Variants in GRM7 observed in about 807,000 individuals in gnomAD.
The protein encoded by GRM7 is metabotropic glutamate receptor 7.
GRM7 carries 35 observed loss-of-function variants against 84.5 expected under a neutral mutation model. The ratio of observed to expected loss-of-function variants is 0.41; its 90% CI spans 0.32 to 0.55. GRM7 has a LOEUF of 0.55. Ranked by LOEUF, GRM7 falls within the 20% of genes least tolerant of loss-of-function variation. The probability of loss-of-function intolerance (pLI) is 0.19; values close to 1 mark genes in which losing one functional copy is unlikely to be tolerated. For synonymous variants in GRM7, 487 were observed against 455.1 expected (o/e 1.07, Z -0.89); for missense variants, 1,003 against 1,194.6 (o/e 0.84, Z 2.36).
At chr3:7,157,453 T>C (rs899126982) in intron 2 of GRM7, among the ~76,000 whole-genome samples, 1 of 152,146 alleles carries the variant, frequency 6.6e-6, no homozygotes, top group Non-Finnish European at 1.5e-5. Context: ...GTTAAAGTAG[T>C]TCTGTTGAAA....
At chr3:7,200,839 C>T (rs6793481) in intron 2 of GRM7, among the ~76,000 whole-genome samples, 14,446 of 152,094 alleles carry the variant, frequency 0.095, 2,081 homozygotes, top group African/African-American at 0.32. Context: ...TCCTCCTCAC[C>T]GTATTTCTTC....
intron 1 of GRM7, among the ~76,000 whole-genome samples, chr3:6,992,842 G>C (rs1364728009): frequency 6.6e-6 from 1 of 152,212 alleles, no homozygotes; most frequent in Non-Finnish European, 1.5e-5. Flanking sequence ...AGCCAAATGT[G>C]AAGTCAGCTC....
chr3:7,390,145 T>A (rs6787020), intron 4 of GRM7, among the ~76,000 whole-genome samples: 1 of 151,922 alleles, frequency 6.6e-6, no homozygotes, highest in Non-Finnish European at 1.5e-5. Context: ...AATTCTCAGC[T>A]GGCATTTTTT....
At chr3:7,280,182 C>A (rs769972967) in intron 2 of GRM7, among the ~76,000 whole-genome samples, 2 of 152,134 alleles carry the variant, frequency 1.3e-5, no homozygotes, top group Non-Finnish European at 2.9e-5. Flanking sequence ...TTGTTTGGGG[C>A]AAACTTTAAT....
intron 1 of GRM7, among the ~76,000 whole-genome samples, chr3:7,077,513 G>T (rs1314580422): frequency 7.3e-6 from 1 of 136,354 alleles, no homozygotes; most frequent in Non-Finnish European, 1.6e-5. Flanking sequence ...ATAAGTGGGA[G>T]TTGAACAATG....
At chr3:6,981,567 A>T (rs1294240064) in intron 1 of GRM7, among the ~76,000 whole-genome samples, 2 of 152,172 alleles carry the variant, frequency 1.3e-5, no homozygotes, top group Admixed American at 1.3e-4. Context: ...GTTCCTGCTG[A>T]TGGAGGGAAG....
chr3:7,025,349 G>A lies in GRM7; in HGVS notation c.520-121103G>A, dbSNP rs560670543. Among the ~76,000 whole-genome samples the A allele has an allele frequency of 4.6e-5, 7 of 152,252 alleles. 1 individual carries two copies. The highest frequency in any genetic ancestry group is 3.9e-4 in the East Asian group (2 of 5,186). On this transcript the variant is annotated intron_variant, in intron 1 of 9. Transcript: ENST00000357716. ...CTGGGGATGAAGCATTATTCTGTCC[G>A]CCAGGAAGAAATAATAAAATAGAAA...
intron 1 of GRM7, among the ~76,000 whole-genome samples, chr3:7,114,954 C>T (rs1245113327): frequency 6.6e-6 from 1 of 152,098 alleles, no homozygotes; most frequent in African/African-American, 2.4e-5. Context: ...CTGCAAATGG[C>T]CCTCATGAGA....
chr3:7,099,774 CATT>C (rs1232906362), intron 1 of GRM7, among the ~76,000 whole-genome samples: 1 of 84,760 alleles, frequency 1.2e-5, no homozygotes, highest in Admixed American at 1.1e-4. Flanking sequence ...TATGTACACG[CATT>C]ATACATGTGC....
At chr3:7,723,537 C>T (rs926206681) in intron 9 of GRM7, among the ~76,000 whole-genome samples, 2 of 152,118 alleles carry the variant, frequency 1.3e-5, no homozygotes, top group East Asian at 3.9e-4. Flanking sequence ...ATAACCCCAT[C>T]AATCTGAAAT....
At chr3:7,438,155 G>C (rs929604850) in intron 5 of GRM7, among the ~76,000 whole-genome samples, 1 of 151,968 alleles carries the variant, frequency 6.6e-6, no homozygotes, top group Non-Finnish European at 1.5e-5. Flanking sequence ...TTGCAATTTA[G>C]TGGTAAGTTG....
At position 7,305,532 on chromosome 3, in the gene GRM7, A is replaced by G. The variant is rs370064995; in HGVS notation, c.879-966A>G. Among the ~76,000 whole-genome samples, 4 of 57,068 alleles carry G rather than the reference A, an allele frequency of 7.0e-5. 1 individual carries two copies. The highest frequency in any genetic ancestry group is 1.9e-4 in the African/African-American group (4 of 20,764). 37.4% of individuals were successfully genotyped at this position (57,068 alleles called of 152,430 possible). On this transcript the variant is annotated intron_variant, in intron 3 of 9. Coordinates refer to ENST00000357716, the MANE Select transcript of GRM7 (RefSeq NM_000844.4). Reference sequence around the variant, plus strand: ...CCCACCACAGTCCCCAGAGTGTGATATTCCCCTTCCTGTGTCCATGTGATC... The same window carrying G: ...CCCACCACAGTCCCCAGAGTGTGATGTTCCCCTTCCTGTGTCCATGTGATC...
Position 7,276,796 on chromosome 3 carries a change from T to TCCCTCCCTCCCTCCCTCCC in GRM7, c.737-21888_737-21887insCCCTCCCTCCCTCCCTCCC, listed in dbSNP as rs1237423928. Among the ~76,000 whole-genome samples the TCCCTCCCTCCCTCCCTCCC allele has an allele frequency of 4.0e-3, 12 of 3,014 alleles. 4 individuals are homozygous for TCCCTCCCTCCCTCCCTCCC. The highest frequency in any genetic ancestry group is 8.3e-3 in the Non-Finnish European group (11 of 1,332). The allele number at this position is 3,014 out of a possible 152,430, so 2.0% of individuals were successfully genotyped here. ...CTTCCTTCCTTCCTTCCTTCCTTCCTTCCTTCCTTTTTGGTGGTGGCATGT... is the reference window on the plus strand; with the variant it reads ...CTTCCTTCCTTCCTTCCTTCCTTCCTCCCTCCCTCCCTCCCTCCCTCCTTCCTTTTTGGTGGTGGCATGT... On this transcript the variant is annotated intron_variant, in intron 2 of 9. Coordinates refer to ENST00000357716, the MANE Select transcript of GRM7 (RefSeq NM_000844.4).
intron 8 of GRM7, among the ~76,000 whole-genome samples, chr3:7,632,363 A>G (rs769690562): frequency 6.6e-6 from 1 of 152,206 alleles, no homozygotes; most frequent in African/African-American, 2.4e-5. Flanking sequence ...GCATGTTTGC[A>G]TATGTACTAA....
chr3:6,889,976 G>A (rs1286242179), intron 1 of GRM7, among the ~76,000 whole-genome samples: 4 of 152,220 alleles, frequency 2.6e-5, no homozygotes, highest in South Asian at 4.2e-4. Flanking sequence ...TGTACGTGTC[G>A]AGGAATTTAT....
intron 3 of GRM7, among the ~76,000 whole-genome samples, chr3:7,303,393 C>A (rs942148545): frequency 7.9e-5 from 12 of 152,070 alleles, no homozygotes; most frequent in African/African-American, 2.9e-4. Flanking sequence ...TAAACTGTTT[C>A]TTCTGGTTTT....
At chr3:6,961,160 CTTA>C (rs1200755670) in intron 1 of GRM7, among the ~76,000 whole-genome samples, 1 of 152,188 alleles carries the variant, frequency 6.6e-6, no homozygotes, top group East Asian at 1.9e-4. Flanking sequence ...TATCCTATAA[CTTA>C]TTATCAGTAA....
chr3:7,695,165 C>G (rs1700970236), intron 9 of GRM7, among the ~76,000 whole-genome samples: 1 of 152,188 alleles, frequency 6.6e-6, no homozygotes, highest in South Asian at 2.1e-4. Context: ...GAAGCTATGT[C>G]AAGGTCCTCT....
At position 7,578,595 on chromosome 3, in the gene GRM7, C is replaced by T. The variant is rs1287100036; in HGVS notation, c.1689C>T (p.Cys563=). 8 of 1,614,058 alleles carry T rather than the reference C, an allele frequency of 5.0e-6. No individual in the cohort carries two copies. The highest frequency in any genetic ancestry group is 5.9e-6 in the Non-Finnish European group (7 of 1,179,986). ...YQFDEMTCQH[C]PYDQRPNENR... ...TTGATGAGATGACATGCCAGCATTG[C>T]CCCTATGACCAGAGGCCCAATGAAA... Residue 563 remains cysteine (C), a synonymous_variant, in exon 8 of 10, where the codon TGC becomes TGT. Coordinates refer to ENST00000357716, the MANE Select transcript of GRM7 (RefSeq NM_000844.4).
Sources: allele counts gnomAD v4.1 joint callset (sites outside exome capture counted in the v4.1 genomes callset), GRCh38; gene constraint gnomAD v4.1.1; transcripts MANE v1.5; gene names NCBI Gene and HGNC (gene_info 2026-07-23, HGNC 2026-07-21).